Variants in PPCDC observed in about 807,000 individuals in gnomAD.
The protein encoded by PPCDC is phosphopantothenoylcysteine decarboxylase.
In PPCDC, 20 loss-of-function variants were observed where a neutral mutation model predicts 20.7. That is an observed-to-expected ratio of 0.97 (90% confidence interval 0.68 to 1.41). PPCDC has a LOEUF of 1.41. Among genes scored for constraint, PPCDC ranks in the 40% most tolerant of loss-of-function variants. PPCDC has a pLI of 0.00. For synonymous variants in PPCDC, 88 were observed against 100.3 expected, an observed-to-expected ratio of 0.88 and a Z score of 0.73; for missense variants, 246 against 263.8, an observed-to-expected ratio of 0.93 and a Z score of 0.47.
In PPCDC at chr15:75,028,463, C is replaced by G; in HGVS notation, c.135+10C>G. The G allele has an allele frequency of 1.2e-6, 2 of 1,614,166 alleles. No homozygotes were observed. The highest frequency in any genetic ancestry group is 2.7e-5 in the African/African-American group (2 of 75,038). On this transcript the variant is annotated intron_variant, in intron 2 of 5. Coordinates refer to ENST00000342932, the MANE Select transcript of PPCDC (RefSeq NM_021823.5). ...TTTGGACATTCCTGGGGTGAGTATC[C>G]TCACCAGATAAGCATGGCAGCCTCC... is the stretch of plus-strand genomic sequence containing the variant.
intron 2 of PPCDC, among the ~76,000 whole-genome samples, chr15:75,038,426 G>T (rs1337857034): frequency 6.6e-6 from 1 of 152,222 alleles, no homozygotes; most frequent in Non-Finnish European, 1.5e-5. Flanking sequence ...CAACTCTGGT[G>T]AGGGGAAGTT....
intron 4 of PPCDC, chr15:75,045,161 G>A (rs1027972025): frequency 4.6e-5 from 7 of 153,194 alleles, no homozygotes; most frequent in Non-Finnish European, 7.3e-5. Context: ...TTATATGATC[G>A]TCCTGGGAAG....
At chr15:75,044,236 G>A (rs1350131505) in intron 3 of PPCDC, 150 bp from the exon 4 acceptor site, 9 of 1,104,644 alleles carry the variant, frequency 8.1e-6, no homozygotes, top group East Asian at 2.6e-5. Context: ...CATGGCTAGC[G>A]CTCGCCAGCT....
intron 2 of PPCDC, among the ~76,000 whole-genome samples, chr15:75,031,342 T>C (rs1361837753): frequency 1.3e-5 from 2 of 152,208 alleles, no homozygotes; most frequent in African/African-American, 2.4e-5. Context: ...TCCCTGGGGT[T>C]GGCAGCCTGG....
intron 1 of PPCDC, among the ~76,000 whole-genome samples, chr15:75,027,866 C>T (rs192461311): frequency 5.1e-4 from 78 of 152,340 alleles, no homozygotes; most frequent in African/African-American, 1.8e-3. Flanking sequence ...CAACCTGCCA[C>T]CCTCCTCAGG....
At position 75,026,955 on chromosome 15, in the gene PPCDC, C is replaced by T. The variant is rs577942568; in HGVS notation, c.-72-1292C>T. 5.9e-5 allele frequency among the ~76,000 whole-genome samples: 9 copies of T among 152,258 alleles called. No homozygotes were observed. In the South Asian group the frequency reaches 1.9e-3, roughly 32 times the overall value. ...GTCAGGGCCCAGGGCTTCTGCTTCA[C>T]AGGCTAGGTATCTGTCTTCTGCTCA... is the stretch of plus-strand genomic sequence containing the variant. On this transcript the variant is annotated intron_variant, in intron 1 of 5. Transcript: ENST00000342932.
At chr15:75,028,090 A>C in intron 1 of PPCDC, 157 bp from the exon 2 acceptor site, 2 of 541,206 alleles carry the variant, frequency 3.7e-6, no homozygotes, top group East Asian at 3.3e-5. Context: ...TGTGTGGGGA[A>C]GGTGTCTCAC....
chr15:75,034,919 T>C (rs2141483117), intron 2 of PPCDC, among the ~76,000 whole-genome samples: 1 of 152,324 alleles, frequency 6.6e-6, no homozygotes, highest in Non-Finnish European at 1.5e-5. Flanking sequence ...GCCAGAGCTG[T>C]GCTATCTGAT....
chr15:75,043,511 T>A lies in PPCDC; in HGVS notation c.206T>A (p.Leu69His), dbSNP rs1431618562. 6.2e-6 allele frequency: 10 copies of A among 1,611,546 alleles called. No individual in the cohort carries two copies. The highest frequency in any genetic ancestry group is 7.6e-6 in the Non-Finnish European group (9 of 1,178,876). The change falls in exon 3 of 6, where the codon CTC becomes CAC. Residue 69 changes from leucine (L) to histidine (H), a missense_variant. Leu to His is a moderately conservative substitution (Grantham distance 99, BLOSUM62 -3). Coordinates refer to ENST00000342932, the MANE Select transcript of PPCDC (RefSeq NM_021823.5). ...FYSPQDIPVT[L>H]YSDADEWEIW... ...AGCCCCCAGGACATTCCTGTCACCC[T>A]CTACAGCGACGCTGATGAATGGGAG...
At chr15:75,031,335 C>T (rs1422655597) in intron 2 of PPCDC, among the ~76,000 whole-genome samples, 1 of 152,144 alleles carries the variant, frequency 6.6e-6, no homozygotes, top group African/African-American at 2.4e-5. Context: ...AGTTTCTTCC[C>T]TGGGGTTGGC....
chr15:75,044,694 C>CAGCCCTGGTCCTGATGGGTCAGTG, intron 4 of PPCDC, 180 bp downstream of exon 4: 1 of 809,160 alleles, frequency 1.2e-6, no homozygotes, highest in South Asian at 1.8e-5. Context: ...CACATGGGCA[C>CAGCCCTGGTCCTGATGGGTCAGTG]AGCCCTGGTC....
At chr15:75,048,820 A>G in intron 5 of PPCDC, 99 bp downstream of exon 5, 1 of 1,396,236 alleles carries the variant, frequency 7.2e-7, no homozygotes. Context: ...GACCTTAGCA[A>G]ACCATTCTCT....
At chr15:75,036,963 G>A (rs939277527) in intron 2 of PPCDC, among the ~76,000 whole-genome samples, 1 of 152,048 alleles carries the variant, frequency 6.6e-6, no homozygotes, top group East Asian at 1.9e-4. Context: ...GAGCCACCAT[G>A]CCTGGCGCCC....
chr15:75,032,819 G>C (rs2066040103), intron 2 of PPCDC, among the ~76,000 whole-genome samples: 1 of 135,696 alleles, frequency 7.4e-6, no homozygotes, highest in African/African-American at 2.6e-5. Flanking sequence ...ATTTATTTTT[G>C]AGACAGGGTC....
Position 75,028,310 on chromosome 15 carries a change from A to G in PPCDC, c.-9A>G, listed in dbSNP as rs773624664. ...CAGGCTCCCAGAACTTGAAGCCACCAGACCCCACATGGAACCAAAGGCCTC... is the reference window on the plus strand; with the variant it reads ...CAGGCTCCCAGAACTTGAAGCCACCGGACCCCACATGGAACCAAAGGCCTC... On this transcript the variant is annotated 5_prime_UTR_variant, in exon 2 of 6. Coordinates refer to ENST00000342932, the MANE Select transcript of PPCDC (RefSeq NM_021823.5). The G allele has an allele frequency of 6.2e-7, 1 of 1,613,626 alleles. No individual in the cohort carries two copies. The highest frequency in any genetic ancestry group is 1.3e-5 in the African/African-American group (1 of 74,964).
intron 4 of PPCDC, among the ~76,000 whole-genome samples, chr15:75,045,568 G>T (rs1160617389): frequency 6.6e-6 from 1 of 152,124 alleles, no homozygotes; most frequent in East Asian, 1.9e-4. Context: ...GTTTTTTGGG[G>T]TCACAGATTA....
intron 2 of PPCDC, among the ~76,000 whole-genome samples, chr15:75,039,647 A>G (rs1340535377): frequency 6.6e-6 from 1 of 151,978 alleles, no homozygotes; most frequent in African/African-American, 2.4e-5. Context: ...TTCTTTTCTC[A>G]TCTAATCTAA....
intron 2 of PPCDC, among the ~76,000 whole-genome samples, chr15:75,034,413 C>G (rs28394281): frequency 0.17 from 26,349 of 152,078 alleles, 3,364 homozygotes; most frequent in South Asian, 0.44. Context: ...GCCCTGCCCC[C>G]ACCATATAAG....
intron 2 of PPCDC, among the ~76,000 whole-genome samples, chr15:75,042,160 A>T (rs1471995646): frequency 6.6e-6 from 1 of 152,252 alleles, no homozygotes; most frequent in Non-Finnish European, 1.5e-5. Context: ...GACATGGCCC[A>T]TGACTATAGC....
Sources: gnomAD v4.1 joint callset for allele counts (sites outside exome capture counted in the v4.1 genomes callset) on GRCh38, gnomAD v4.1.1 for gene constraint, MANE v1.5 for transcripts, NCBI Gene and HGNC (gene_info 2026-07-23, HGNC 2026-07-21) for gene names.